Variants in ABR observed in about 807,000 individuals in gnomAD.
ABR encodes active breakpoint cluster region-related protein.
Under a neutral mutation model 107.2 loss-of-function variants are expected in ABR, and 35 were observed. The ratio of observed to expected loss-of-function variants is 0.33; its 90% CI spans 0.25 to 0.43. ABR has a LOEUF of 0.43. Among genes scored for constraint, ABR ranks in the 20% least tolerant of loss-of-function variants. The pLI is 1.00. For synonymous variants in ABR, 498 were observed against 462.0 expected, an observed-to-expected ratio of 1.08 and a Z score of -1.00; for missense variants, 815 against 1,115.2, an observed-to-expected ratio of 0.73 and a Z score of 3.83.
chr17:1,217,467 C>T (rs762918494), intron 1 of ABR, among the ~76,000 whole-genome samples: 1 of 152,166 alleles, frequency 6.6e-6, no homozygotes, highest in South Asian at 2.1e-4. Flanking sequence ...TGAGTGGTTA[C>T]CATGTGTCAG....
At chr17:1,166,650 C>T (rs1381603836) in intron 1 of ABR, among the ~76,000 whole-genome samples, 1 of 152,198 alleles carries the variant, frequency 6.6e-6, no homozygotes, top group Admixed American at 6.5e-5. Context: ...GCTGCAGGCG[C>T]CTGGTCCTTC....
intron 1 of ABR, among the ~76,000 whole-genome samples, chr17:1,159,905 G>GGA (rs2041220568): frequency 6.6e-6 from 1 of 152,238 alleles, no homozygotes. Context: ...CAGACCTGTG[G>GGA]GAGCCCCTCC....
At chr17:1,062,063 C>A (rs576066292) in intron 10 of ABR, among the ~76,000 whole-genome samples, 2 of 152,278 alleles carry the variant, frequency 1.3e-5, no homozygotes, top group African/African-American at 2.4e-5. Context: ...GTCAGAGAAG[C>A]TTCCCAGGGG....
chr17:1,078,919 A>C lies in ABR; in HGVS notation c.700+411T>G. 1 of 1,532,414 alleles carries C rather than the reference A, an allele frequency of 6.5e-7. No individual in the cohort carries two copies. Among genetic ancestry groups the C allele is most frequent in the East Asian group, 2.4e-5 (1 of 40,832 alleles). The allele number at this position is 1,532,414 out of a possible 1,614,324, so 94.9% of individuals were successfully genotyped here. A position where few individuals can be genotyped will look rare whatever the true frequency, so the allele number is the denominator to read the frequency against. ...CATCGCTCCAGGCTCCCCGGCGCCC[A>C]CCAGCAGCCCGGCCACTCAGCCACC... On this transcript the variant is annotated intron_variant, in intron 6 of 22. Coordinates refer to ENST00000302538, the MANE Select transcript of ABR (RefSeq NM_021962.5). This position sits in a 1 kb window ranked among gnomAD's most constrained non-coding sequence, Gnocchi z 7.5.
Position 1,010,701 on chromosome 17 carries a change from C to A in ABR, c.2236+28G>T. The A allele has an allele frequency of 6.2e-7, 1 of 1,611,186 alleles. No individual in the cohort carries two copies. Among genetic ancestry groups the A allele is most frequent in the Non-Finnish European group, 8.5e-7 (1 of 1,178,974 alleles). On this transcript the variant is annotated intron_variant, in intron 20 of 22. Coordinates refer to ENST00000302538, the MANE Select transcript of ABR (RefSeq NM_021962.5). This position sits in a 1 kb window ranked among gnomAD's most constrained non-coding sequence, Gnocchi z 4.1. ...GAGTCCTGGCTCAGTCTGGCCCAGC[C>A]CAGTCCTAGGAGCCCTCAGGGCCTC...
chr17:1,032,532 CA>C (rs943224740), intron 16 of ABR, among the ~76,000 whole-genome samples: 2 of 105,912 alleles, frequency 1.9e-5, no homozygotes, highest in Non-Finnish European at 4.2e-5. Context: ...TTTCCGCTGC[CA>C]GGGGCAGAGG....
At chr17:1,012,235 ACT>A (rs996767561) in intron 18 of ABR, 20 of 684,578 alleles carry the variant, frequency 2.9e-5, no homozygotes, top group Non-Finnish European at 5.3e-5. Context: ...TAAGGCCGAG[ACT>A]CTAGGGAAAG....
chr17:1,129,540 A>T (rs1299086044), intron 1 of ABR, among the ~76,000 whole-genome samples: 1 of 152,118 alleles, frequency 6.6e-6, no homozygotes, highest in African/African-American at 2.4e-5. Flanking sequence ...TCAAAAAAAC[A>T]AAAACAAAAA....
At chr17:1,089,916 C>T (rs988011124) in intron 4 of ABR, among the ~76,000 whole-genome samples, 5 of 152,164 alleles carry the variant, frequency 3.3e-5, no homozygotes, top group South Asian at 2.1e-4. Flanking sequence ...GCCGAGATCA[C>T]GCCACTGCAC....
intron 1 of ABR, among the ~76,000 whole-genome samples, chr17:1,168,718 A>C (rs1220238181): frequency 6.6e-6 from 1 of 152,228 alleles, no homozygotes; most frequent in Admixed American, 6.5e-5. Flanking sequence ...GGCACCCACA[A>C]CAAGGGCCTG....
At chr17:1,033,435 C>T (rs944897727) in intron 16 of ABR, among the ~76,000 whole-genome samples, 4 of 152,206 alleles carry the variant, frequency 2.6e-5, no homozygotes, top group Admixed American at 6.5e-5. Context: ...AGCTGAGCTA[C>T]GTGTCCAAGG....
chr17:1,093,876 T>C (rs1412866592), intron 3 of ABR, among the ~76,000 whole-genome samples: 1 of 152,230 alleles, frequency 6.6e-6, no homozygotes, highest in Non-Finnish European at 1.5e-5. Flanking sequence ...GTGCTCTGCC[T>C]TCTGGCTCCT....
intron 1 of ABR, among the ~76,000 whole-genome samples, chr17:1,203,623 C>T (rs943327087): frequency 1.3e-5 from 2 of 151,978 alleles, no homozygotes; most frequent in African/African-American, 2.4e-5. Flanking sequence ...CGCCCGCCGC[C>T]GCTGCGAGGA....
chr17:1,083,430 G>T, intron 5 of ABR, 90 bp downstream of exon 5: 1 of 866,776 alleles, frequency 1.2e-6, no homozygotes, highest in South Asian at 1.7e-5. Context: ...CCACTTCACC[G>T]ACTGGCAAGC....
chr17:1,025,226 G>T (rs1338165321), intron 16 of ABR, among the ~76,000 whole-genome samples: 1 of 151,450 alleles, frequency 6.6e-6, no homozygotes, highest in Non-Finnish European at 1.5e-5. Flanking sequence ...AACCCGGGAG[G>T]CGGAGGCTGC....
chr17:1,190,066 G>C (rs925308412), upstream of ABR, among the ~76,000 whole-genome samples: 22 of 152,208 alleles, frequency 1.4e-4, no homozygotes, highest in Admixed American at 5.9e-4. Context: ...AAGATGCAAA[G>C]AAAGAACAAA....
chr17:1,081,121 T>A (rs1353093547), intron 5 of ABR, among the ~76,000 whole-genome samples: 4 of 152,212 alleles, frequency 2.6e-5, no homozygotes, highest in Non-Finnish European at 5.9e-5. Context: ...CTGCACCATG[T>A]CTGACCCCGG....
At chr17:1,022,103 T>C (rs1187784688) in intron 16 of ABR, among the ~76,000 whole-genome samples, 1 of 44,320 alleles carries the variant, frequency 2.3e-5, no homozygotes, top group Non-Finnish European at 3.4e-5. Flanking sequence ...CAAGACTCTG[T>C]CTCAAAAAAA....
intron 1 of ABR, among the ~76,000 whole-genome samples, chr17:1,128,623 T>C (rs144324059): frequency 6.6e-5 from 10 of 152,214 alleles, no homozygotes; most frequent in African/African-American, 2.2e-4. Flanking sequence ...CCTCCTTCTG[T>C]TGCTGGTTTG....
Sources: allele counts gnomAD v4.1 joint callset (sites outside exome capture counted in the v4.1 genomes callset), GRCh38; gene constraint gnomAD v4.1.1; non-coding constraint Gnocchi (gnomAD v3.1); transcripts MANE v1.5; gene names NCBI Gene and HGNC (gene_info 2026-07-23, HGNC 2026-07-21).